ANXA3: variants seen among roughly 807,000 people sequenced by gnomAD.
ANXA3 encodes 35-alpha calcimedin.
In ANXA3, 46 loss-of-function variants were observed where a neutral mutation model predicts 48.8. The ratio of observed to expected loss-of-function variants is 0.94; its 90% CI spans 0.74 to 1.21. The LOEUF is 1.21. ANXA3 is among the 50% of genes most tolerant of loss of function. The pLI is 0.00. For synonymous variants in ANXA3, 128 were observed against 134.7 expected (o/e 0.95, Z 0.35); for missense variants, 383 against 378.6 (o/e 1.01, Z -0.10).
intron 5 of ANXA3, 34 bp from the exon 6 acceptor site, chr4:78,586,226 T>G (rs776049085): frequency 1.9e-6 from 3 of 1,540,390 alleles, no homozygotes; most frequent in Non-Finnish European, 2.7e-6. Flanking sequence ...GTTATTTAAG[T>G]GTTCTAAAAA....
At chr4:78,597,512 T>C (rs561037114) in intron 10 of ANXA3, 98 bp downstream of exon 10, 1 of 756,556 alleles carries the variant, frequency 1.3e-6, no homozygotes, top group East Asian at 2.8e-5. Flanking sequence ...ACTGATCCAT[T>C]TTTTTTGCTC....
chr4:78,562,808 A>T (rs926643000), intron 2 of ANXA3, among the ~76,000 whole-genome samples: 18 of 152,202 alleles, frequency 1.2e-4, no homozygotes, highest in African/African-American at 4.3e-4. Flanking sequence ...GCTCAGATAT[A>T]GGAGGAGAAG....
At chr4:78,580,018 G>T (rs1167935394) in intron 4 of ANXA3, among the ~76,000 whole-genome samples, 5 of 152,220 alleles carry the variant, frequency 3.3e-5, no homozygotes, top group Non-Finnish European at 5.9e-5. Flanking sequence ...ACTAATCTGT[G>T]TTAGGAGATA....
intron 3 of ANXA3, among the ~76,000 whole-genome samples, chr4:78,573,515 G>T (rs1057487276): frequency 1.6e-4 from 24 of 152,112 alleles, no homozygotes; most frequent in Non-Finnish European, 4.4e-5. Context: ...AAATGCCGGG[G>T]GAATCTCAAC....
intron 2 of ANXA3, 147 bp from the exon 3 acceptor site, chr4:78,573,033 C>A: frequency 1.3e-6 from 1 of 758,838 alleles, no homozygotes; most frequent in Non-Finnish European, 2.4e-6. Flanking sequence ...TTTCCAAAGG[C>A]AATTTCAGAG....
At chr4:78,561,954 G>C (rs966388816) in intron 2 of ANXA3, among the ~76,000 whole-genome samples, 2 of 152,202 alleles carry the variant, frequency 1.3e-5, no homozygotes, top group African/African-American at 4.8e-5. Flanking sequence ...GAACAGAGAG[G>C]CTTCCTAGGA....
intron 3 of ANXA3, among the ~76,000 whole-genome samples, chr4:78,576,036 C>G (rs559602905): frequency 2.6e-5 from 4 of 152,140 alleles, no homozygotes; most frequent in African/African-American, 9.6e-5. Context: ...CTATTTTTCT[C>G]TTCTCTGTTA....
At chr4:78,576,351 G>T (rs1475598072) in intron 3 of ANXA3, among the ~76,000 whole-genome samples, 1 of 151,472 alleles carries the variant, frequency 6.6e-6, no homozygotes, top group Admixed American at 6.6e-5. Context: ...TGTCACCTAG[G>T]CTCGAATGCA....
At chr4:78,580,505 G>C (rs1723049737) in intron 4 of ANXA3, among the ~76,000 whole-genome samples, 1 of 152,190 alleles carries the variant, frequency 6.6e-6, no homozygotes, top group African/African-American at 2.4e-5. Context: ...GGAACCACTG[G>C]AGGTTTGTAA....
At chr4:78,582,954 G>A (rs1413630930) in intron 5 of ANXA3, among the ~76,000 whole-genome samples, 1 of 152,192 alleles carries the variant, frequency 6.6e-6, no homozygotes, top group Non-Finnish European at 1.5e-5. Context: ...TGCAGCTCCT[G>A]TCTAACTCTG....
chr4:78,554,294 T>C, intron 1 of ANXA3, 142 bp from the exon 2 acceptor site: 1 of 634,192 alleles, frequency 1.6e-6, no homozygotes, highest in Non-Finnish European at 2.8e-6. Flanking sequence ...GGATACCCAA[T>C]GTCAGATATA....
chr4:78,595,660 T>G, intron 8 of ANXA3, 134 bp from the exon 9 acceptor site: 1 of 755,884 alleles, frequency 1.3e-6, no homozygotes, highest in Non-Finnish European at 2.2e-6. Context: ...AATTTTTGAT[T>G]TCTAGTCTTC....
At chr4:78,554,828 T>G (rs1722477265) in intron 2 of ANXA3, among the ~76,000 whole-genome samples, 1 of 152,210 alleles carries the variant, frequency 6.6e-6, no homozygotes, top group South Asian at 2.1e-4. Context: ...TTCTAGCTGT[T>G]TGGGGAAAAA....
intron 12 of ANXA3, among the ~76,000 whole-genome samples, chr4:78,609,769 T>C (rs758281705): frequency 6.6e-6 from 1 of 152,164 alleles, no homozygotes; most frequent in Non-Finnish European, 1.5e-5. Context: ...TTTATAGAAA[T>C]CAATATTATG....
chr4:78,587,155 A>C (rs1467122041), intron 6 of ANXA3, among the ~76,000 whole-genome samples: 1 of 152,190 alleles, frequency 6.6e-6, no homozygotes, highest in Non-Finnish European at 1.5e-5. Flanking sequence ...CTGACCATTG[A>C]TATATCATTA....
In ANXA3 at chr4:78,610,048, C is replaced by T. The variant is rs5950; in HGVS notation, c.913-8C>T. On this transcript the variant is annotated splice_polypyrimidine_tract_variant and splice_region_variant and intron_variant, in intron 12 of 12. Transcript: ENST00000264908. ...GTATTTGTTCTTCATTGATTTTATT[C>T]TTTGCAGTCGGATACTTCTGGAGAC... 0.14 allele frequency: 217,567 copies of T among 1,596,474 alleles called. 16,259 individuals carry two copies. Among genetic ancestry groups the T allele is most frequent in the East Asian group, 0.31 (13,787 of 44,588 alleles).
chr4:78,560,013 C>G (rs1051734382), intron 2 of ANXA3, among the ~76,000 whole-genome samples: 1 of 152,174 alleles, frequency 6.6e-6, no homozygotes, highest in African/African-American at 2.4e-5. Context: ...GATTTTATTA[C>G]ACATCAATAG....
intron 2 of ANXA3, among the ~76,000 whole-genome samples, chr4:78,572,865 A>T (rs1234024635): frequency 6.6e-6 from 1 of 152,242 alleles, no homozygotes; most frequent in African/African-American, 2.4e-5. Flanking sequence ...TTACAAGGGT[A>T]GTTTAGCTTT....
intron 3 of ANXA3, among the ~76,000 whole-genome samples, chr4:78,574,815 T>C (rs1387176674): frequency 6.6e-6 from 1 of 152,360 alleles, no homozygotes; most frequent in South Asian, 2.1e-4. Context: ...AATGCTGCAA[T>C]GAATATTCCT....
Sources: gnomAD v4.1 joint callset for allele counts (sites outside exome capture counted in the v4.1 genomes callset) on GRCh38, gnomAD v4.1.1 for gene constraint, MANE v1.5 for transcripts, NCBI Gene and HGNC (gene_info 2026-07-23, HGNC 2026-07-21) for gene names.